GSTO2: variants seen among roughly 807,000 people sequenced by gnomAD.
GSTO2 encodes the protein glutathione S-transferase omega 2, also known as glutathione S-transferase omega-2.
In GSTO2, 23 loss-of-function variants were observed where a neutral mutation model predicts 28.4. The ratio of observed to expected loss-of-function variants is 0.81; its 90% confidence interval spans 0.58 to 1.15. The LOEUF (loss-of-function observed/expected upper bound fraction) is 1.15, where lower values mean the gene tolerates loss of function less well. GSTO2 is among the 50% of genes most tolerant of loss of function. The probability of loss-of-function intolerance (pLI) is 0.00; values close to 1 mark genes in which losing one functional copy is unlikely to be tolerated. For synonymous variants in GSTO2, 109 were observed against 111.0 expected, an observed-to-expected ratio of 0.98 and a Z score of 0.11; for missense variants, 298 against 297.8, an observed-to-expected ratio of 1.00 and a Z score of 0.00.
intron 3 of GSTO2, among the ~76,000 whole-genome samples, chr10:104,276,847 A>G (rs371230300): frequency 1.1e-4 from 17 of 152,362 alleles, no homozygotes; most frequent in African/African-American, 3.8e-4. Context: ...GTTTTTAAAC[A>G]TACGTTCATG....
chr10:104,296,745 A>G (rs2013051343), intron 5 of GSTO2: 1 of 151,334 alleles, frequency 6.6e-6, no homozygotes, highest in South Asian at 2.1e-4. Flanking sequence ...AGGCATGGAG[A>G]TTAGAGCATC....
At chr10:104,297,716 C>T in intron 6 of GSTO2, 32 bp downstream of exon 6, 2 of 1,452,316 alleles carry the variant, frequency 1.4e-6, no homozygotes, top group Non-Finnish European at 1.9e-6. Flanking sequence ...TGTTAAATTC[C>T]CGGAGTCACA....
Position 104,303,942 on chromosome 10 carries a change from T to C in GSTO2, c.*4658T>C, listed in dbSNP as rs1245682283. 6.6e-6 allele frequency: 1 copy of C among 152,298 alleles called. No homozygotes were observed. The highest frequency in any genetic ancestry group is 1.9e-4 in the East Asian group (1 of 5,198). The allele number at this position is 152,298 out of a possible 1,614,324, so 9.4% of individuals were successfully genotyped here. A position where few individuals can be genotyped will look rare whatever the true frequency, so the allele number is the denominator to read the frequency against. On this transcript the variant is annotated 3_prime_UTR_variant, in exon 7 of 7. Coordinates refer to ENST00000338595, the MANE Select transcript of GSTO2 (RefSeq NM_183239.2). ...GTAGGGGTGGCAGGGGCAGGTGTTA[T>C]GTTTCTTGGTTTCTCACCTTCAGGT...
chr10:104,299,770 C>G lies in GSTO2; in HGVS notation c.*486C>G. 1 of 163,536 alleles carries G rather than the reference C, an allele frequency of 6.1e-6. No homozygotes were observed. Among genetic ancestry groups the G allele is most frequent in the Non-Finnish European group, 1.3e-5 (1 of 75,776 alleles). The allele number at this position is 163,536 out of a possible 1,614,324, so 10.1% of individuals were successfully genotyped here. A position where few individuals can be genotyped will look rare whatever the true frequency, so the allele number is the denominator to read the frequency against. ...GAGATTACAGGCATGAGCCACCTGG[C>G]CTGCCTAGCCTGTAGCTTCTAACTA... On this transcript the variant is annotated 3_prime_UTR_variant, in exon 7 of 7. Coordinates refer to ENST00000338595, the MANE Select transcript of GSTO2 (RefSeq NM_183239.2).
intron 5 of GSTO2, chr10:104,295,353 G>A (rs2012973065): frequency 1.3e-5 from 2 of 152,216 alleles, no homozygotes; most frequent in Non-Finnish European, 1.5e-5. Context: ...ACAATGATCA[G>A]GGGGACTTCT....
At chr10:104,298,618 C>A (rs1250529791) in intron 6 of GSTO2, among the ~76,000 whole-genome samples, 2 of 152,190 alleles carry the variant, frequency 1.3e-5, no homozygotes, top group Non-Finnish European at 2.9e-5. Context: ...AACTAAATAT[C>A]CTGGTTGAGC....
At chr10:104,280,050 C>T (rs2011928556) in intron 5 of GSTO2, among the ~76,000 whole-genome samples, 1 of 151,488 alleles carries the variant, frequency 6.6e-6, no homozygotes, top group Admixed American at 6.6e-5. Context: ...CCTGTAGTCC[C>T]AGCTACTTAG....
chr10:104,273,092 T>C (rs2011491529), intron 1 of GSTO2, among the ~76,000 whole-genome samples: 1 of 152,254 alleles, frequency 6.6e-6, no homozygotes, highest in Non-Finnish European at 1.5e-5. Context: ...GATGCATGTG[T>C]ATGCCCAGAA....
At position 104,282,225 on chromosome 10, in the gene GSTO2, C is replaced by CAAAA. The variant is rs71022727; in HGVS notation, c.468+2769_468+2772dup. On this transcript the variant is annotated intron_variant, in intron 5 of 6. Transcript: ENST00000338595. ...TGGGCAACAGAGTGAGACTCTGTTT[C>CAAAA]AAAAAAAAAAAAAAAAAAGAAAAGA... Among the ~76,000 whole-genome samples the CAAAA allele has an allele frequency of 2.6e-3, 232 of 88,956 alleles. 1 individual carries two copies. The highest frequency in any genetic ancestry group is 5.5e-3 in the African/African-American group (151 of 27,664). 58.4% of individuals were successfully genotyped at this position (88,956 alleles called of 152,430 possible). A position where few individuals can be genotyped will look rare whatever the true frequency, so the allele number is the denominator to read the frequency against.
intron 5 of GSTO2, among the ~76,000 whole-genome samples, chr10:104,282,553 C>CAA (rs10715615): frequency 4.9e-5 from 5 of 102,852 alleles, no homozygotes; most frequent in African/African-American, 7.3e-5. Flanking sequence ...AACCCTATCT[C>CAA]AAAAAAAAAA....
intron 5 of GSTO2, among the ~76,000 whole-genome samples, chr10:104,283,552 G>GGAGTTTGA (rs2012215560): frequency 6.6e-6 from 1 of 152,174 alleles, no homozygotes; most frequent in Non-Finnish European, 1.5e-5. Context: ...TTTGAACCCA[G>GGAGTTTGA]GAGTTTGAGC....
At chr10:104,285,971 G>T in intron 5 of GSTO2, 1 of 360,010 alleles carries the variant, frequency 2.8e-6, no homozygotes, top group South Asian at 2.1e-5. Flanking sequence ...TGGTTAATTC[G>T]TCACTGAAAA....
intron 3 of GSTO2, 88 bp downstream of exon 3, chr10:104,275,422 CT>C: frequency 8.3e-7 from 1 of 1,204,422 alleles, no homozygotes; most frequent in African/African-American, 1.5e-5. Flanking sequence ...CCCTGCTCAG[CT>C]TTTACAAGGG....
In GSTO2 at chr10:104,277,936, G is replaced by T. The variant is rs2011737526; in HGVS notation, c.186G>T (p.Trp62Cys). The T allele has an allele frequency of 1.9e-6, 3 of 1,613,876 alleles. No homozygotes were observed. In the African/African-American group the frequency reaches 4.0e-5, roughly 22 times the overall value. The change falls in exon 4 of 7, where the codon TGG becomes TGT. Residue 62 changes from tryptophan to cysteine, a missense_variant. Coordinates refer to ENST00000338595, the MANE Select transcript of GSTO2 (RefSeq NM_183239.2). ...TTAACCTGAGAAACAAGCCTGAATG[G>T]TACTATACAAAGCACCCTTTTGGCC... is the stretch of plus-strand genomic sequence containing the variant. Reference protein sequence around the residue: ...VNINLRNKPEWYYTKHPFGHI... With the variant: ...VNINLRNKPECYYTKHPFGHI...
At chr10:104,279,651 A>T (rs1299998753) in intron 5 of GSTO2, among the ~76,000 whole-genome samples, 180 bp downstream of exon 5, 3 of 152,126 alleles carry the variant, frequency 2.0e-5, no homozygotes, top group Admixed American at 6.6e-5. Context: ...TTATTCTGGA[A>T]AATCTGATGA....
At chr10:104,295,526 A>T (rs2012980805) in intron 5 of GSTO2, 1 of 152,176 alleles carries the variant, frequency 6.6e-6, no homozygotes, top group South Asian at 2.1e-4. Context: ...AGGAGCTCAT[A>T]TTTACTCAGT....
intron 3 of GSTO2, among the ~76,000 whole-genome samples, chr10:104,276,008 C>A (rs1016926480): frequency 1.3e-4 from 20 of 152,176 alleles, no homozygotes; most frequent in Non-Finnish European, 2.6e-4. Context: ...AAAACCAGCT[C>A]CTGCAGGTCT....
rs549164542 is a variant in GSTO2 at position 104,299,658 on chromosome 10, T to G, written c.*374T>G. ...GCCCAGCTAATTTTTAAAAAAATGT[T>G]GTTGAGACAGGGTCTCACTATGTTG... On this transcript the variant is annotated 3_prime_UTR_variant, in exon 7 of 7. Coordinates refer to ENST00000338595, the MANE Select transcript of GSTO2 (RefSeq NM_183239.2). 10 of 237,604 alleles carry G rather than the reference T, an allele frequency of 4.2e-5. No individual in the cohort carries two copies. Among genetic ancestry groups the G allele is most frequent in the Non-Finnish European group, 6.6e-5 (8 of 121,516 alleles). The allele number at this position is 237,604 out of a possible 1,614,324, so 14.7% of individuals were successfully genotyped here.
intron 5 of GSTO2, among the ~76,000 whole-genome samples, chr10:104,282,094 A>G (rs574392886): frequency 6.6e-6 from 1 of 152,022 alleles, no homozygotes; most frequent in African/African-American, 2.4e-5. Flanking sequence ...CCTGTCAAGC[A>G]GGAGAGTGGT....
Sources: gnomAD v4.1 joint callset for allele counts (sites outside exome capture counted in the v4.1 genomes callset) on GRCh38, gnomAD v4.1.1 for gene constraint, MANE v1.5 for transcripts, NCBI Gene and HGNC (gene_info 2026-07-23, HGNC 2026-07-21) for gene names.